USP7: variants seen among roughly 807,000 people sequenced by gnomAD.
USP7 encodes the protein ubiquitin specific peptidase 7.
A neutral mutation model predicts 162.9 loss-of-function variants in USP7; 9 were observed. The observed-to-expected ratio is 0.06, with a 90% CI of 0.03 to 0.10. The LOEUF is 0.10. Ranked by LOEUF, USP7 falls within the 10% of genes least tolerant of loss-of-function variation. USP7 has a pLI of 1.00. For synonymous variants in USP7, 562 were observed against 475.9 expected, an observed-to-expected ratio of 1.18 and a Z score of -2.35; for missense variants, 715 against 1,373.7, an observed-to-expected ratio of 0.52 and a Z score of 7.58.
intron 1 of USP7, among the ~76,000 whole-genome samples, chr16:8,960,896 T>C (rs1415461397): frequency 6.6e-6 from 1 of 152,180 alleles, no homozygotes; most frequent in African/African-American, 2.4e-5. Context: ...GGCACTATTA[T>C]TTGTCCACAG....
At chr16:8,946,520 C>G (rs1317441432) in intron 1 of USP7, among the ~76,000 whole-genome samples, 2 of 152,232 alleles carry the variant, frequency 1.3e-5, no homozygotes, top group African/African-American at 2.4e-5. Flanking sequence ...CAGAAAATAT[C>G]TGCAAATCGC....
intron 16 of USP7, 65 bp downstream of exon 16, chr16:8,903,203 G>C: frequency 2.5e-6 from 4 of 1,569,524 alleles, no homozygotes; most frequent in Non-Finnish European, 3.5e-6. Flanking sequence ...GTATTTTCTA[G>C]TGACACGGAA....
Position 8,899,765 on chromosome 16 carries a change from A to C in USP7, c.2310-8T>G. ...TCATTTTCAGGGTCATCCCTGGTGG[A>C]GGGAGAAAGTTTGCAGTCTGAATCA... On this transcript the variant is annotated splice_polypyrimidine_tract_variant and splice_region_variant and intron_variant, in intron 21 of 30. Coordinates refer to ENST00000344836, the MANE Select transcript of USP7 (RefSeq NM_003470.3). 6.2e-7 allele frequency: 1 copy of C among 1,614,116 alleles called. No individual in the cohort carries two copies. The highest frequency in any genetic ancestry group is 8.5e-7 in the Non-Finnish European group (1 of 1,179,996).
In USP7 at chr16:8,922,517, C is replaced by A. The variant is rs114159725; in HGVS notation, c.383+698G>T. On this transcript the variant is annotated intron_variant, in intron 3 of 30. Transcript: ENST00000344836. Reference sequence around the variant, plus strand: ...TTCCCTGGGGGATCTGACAGAACAGCCAGAGTCAGTTCACTCTGGGGAACA... The same window carrying A: ...TTCCCTGGGGGATCTGACAGAACAGACAGAGTCAGTTCACTCTGGGGAACA... Among the ~76,000 whole-genome samples the A allele has an allele frequency of 3.8e-3, 575 of 152,236 alleles. 2 individuals carry two copies. Among genetic ancestry groups the A allele is most frequent in the African/African-American group, 0.013 (554 of 41,542 alleles).
intron 11 of USP7, among the ~76,000 whole-genome samples, chr16:8,909,888 T>C (rs909295434): frequency 2.6e-5 from 4 of 152,130 alleles, no homozygotes; most frequent in African/African-American, 9.7e-5. Flanking sequence ...ATCGCGCCAC[T>C]GCACTCTAGC....
chr16:8,918,997 G>A lies in USP7; in HGVS notation c.720+34C>T, dbSNP rs754131338. The A allele has an allele frequency of 4.5e-5, 72 of 1,602,916 alleles. 1 individual carries two copies. In the Middle Eastern group the frequency reaches 6.4e-4, roughly 14 times the overall value. ...ATATACCTGAGAAGAAAGGGTGAGC[G>A]GAAGGCTGCAGGAGAGGAACACTAT... On this transcript the variant is annotated intron_variant, in intron 6 of 30. Coordinates refer to ENST00000344836, the MANE Select transcript of USP7 (RefSeq NM_003470.3).
intron 3 of USP7, among the ~76,000 whole-genome samples, chr16:8,922,580 G>T (rs145287047): frequency 1.6e-3 from 251 of 152,350 alleles, no homozygotes; most frequent in African/African-American, 5.7e-3. Flanking sequence ...CTGTGGCGTG[G>T]CAGGGAGACT....
intron 30 of USP7, 57 bp from the exon 31 acceptor site, chr16:8,894,161 C>G: frequency 1.3e-6 from 2 of 1,522,366 alleles, no homozygotes; most frequent in Non-Finnish European, 1.8e-6. Context: ...AACCCCTCAG[C>G]GGGGTGGTGG....
intron 2 of USP7, among the ~76,000 whole-genome samples, chr16:8,925,650 C>T (rs1015895254): frequency 3.9e-5 from 6 of 152,290 alleles, no homozygotes; most frequent in East Asian, 3.9e-4. Flanking sequence ...ACCGCGCATC[C>T]GTCTCTGTGC....
At chr16:8,948,064 T>G (rs1899366989) in intron 1 of USP7, among the ~76,000 whole-genome samples, 1 of 152,222 alleles carries the variant, frequency 6.6e-6, no homozygotes, top group African/African-American at 2.4e-5. Flanking sequence ...CTGCATGCCC[T>G]GCAGACGTCA....
intron 1 of USP7, among the ~76,000 whole-genome samples, chr16:8,937,474 G>A (rs185293726): frequency 1.4e-4 from 22 of 152,270 alleles, no homozygotes; most frequent in African/African-American, 4.8e-4. Flanking sequence ...CCCAGGAGGC[G>A]GAGGTTGCAG....
At chr16:8,958,269 C>T (rs1008678449) in intron 1 of USP7, among the ~76,000 whole-genome samples, 1 of 152,120 alleles carries the variant, frequency 6.6e-6, no homozygotes, top group Non-Finnish European at 1.5e-5. Context: ...GAAAGGTGGC[C>T]CCTGGGTGGG....
chr16:8,940,875 C>T (rs1221921817), intron 1 of USP7, among the ~76,000 whole-genome samples: 1 of 151,392 alleles, frequency 6.6e-6, no homozygotes, highest in Non-Finnish European at 1.5e-5. Flanking sequence ...ATACAGTGTC[C>T]AGAACCTGGA....
intron 10 of USP7, among the ~76,000 whole-genome samples, chr16:8,914,608 G>C (rs1478137973): frequency 6.6e-6 from 1 of 152,150 alleles, no homozygotes; most frequent in Admixed American, 6.5e-5. Context: ...TGTATCTCAT[G>C]AATGTGCTGG....
At position 8,946,035 on chromosome 16, in the gene USP7, T is replaced by C. The variant is rs558660231; in HGVS notation, c.80-15638A>G. On this transcript the variant is annotated intron_variant, in intron 1 of 30. Transcript: ENST00000344836. ...TCCAGAAACAGATCCCATTTGATTT[T>C]TGACAAAGGTACAAAAGCAATTCAA... Among the ~76,000 whole-genome samples the C allele has an allele frequency of 7.7e-4, 118 of 152,270 alleles. No homozygotes were observed. In the South Asian group the frequency reaches 9.7e-3, roughly 13 times the overall value.
At chr16:8,913,660 C>G (rs891502138) in intron 10 of USP7, among the ~76,000 whole-genome samples, 3 of 152,072 alleles carry the variant, frequency 2.0e-5, no homozygotes, top group African/African-American at 7.3e-5. Flanking sequence ...TGATTCCTAA[C>G]GAGAATCCAT....
chr16:8,943,253 T>C (rs181877523), intron 1 of USP7, among the ~76,000 whole-genome samples: 1 of 152,198 alleles, frequency 6.6e-6, no homozygotes, highest in East Asian at 1.9e-4. Flanking sequence ...ACACTGATGA[T>C]TGGTTTTAAT....
At chr16:8,938,658 C>T (rs1336315539) in intron 1 of USP7, among the ~76,000 whole-genome samples, 3 of 150,576 alleles carry the variant, frequency 2.0e-5, no homozygotes, top group Admixed American at 6.6e-5. Context: ...TTGCAGTGAG[C>T]GGAGATCGCA....
intron 1 of USP7, among the ~76,000 whole-genome samples, chr16:8,938,160 C>T (rs1432179219): frequency 2.0e-5 from 3 of 152,112 alleles, no homozygotes; most frequent in Non-Finnish European, 4.4e-5. Context: ...ACAGGCACGA[C>T]ACTCCGAGAA....
Sources: gnomAD v4.1 joint callset for allele counts (sites outside exome capture counted in the v4.1 genomes callset) on GRCh38, gnomAD v4.1.1 for gene constraint, MANE v1.5 for transcripts, NCBI Gene and HGNC (gene_info 2026-07-23, HGNC 2026-07-21) for gene names.